Variants in FOXP1 observed in about 807,000 individuals in gnomAD.
The protein encoded by FOXP1 is forkhead box protein P1.
In FOXP1, 15 loss-of-function variants were observed where a neutral mutation model predicts 98.2. The observed-to-expected ratio is 0.15, with a 90% CI of 0.10 to 0.24. The LOEUF (loss-of-function observed/expected upper bound fraction) is 0.24. Ranked by LOEUF, FOXP1 falls within the 10% of genes least tolerant of loss-of-function variation. The probability of loss-of-function intolerance (pLI) is 1.00; values close to 1 mark genes in which losing one functional copy is unlikely to be tolerated. For missense variants in FOXP1, 633 were observed against 848.5 expected, an observed-to-expected ratio of 0.75 and a Z score of 3.15; for synonymous variants, 371 against 314.5, an observed-to-expected ratio of 1.18 and a Z score of -1.90.
chr3:71,576,271 T>C (rs573906954), intron 2 of FOXP1, among the ~76,000 whole-genome samples: 3 of 152,304 alleles, frequency 2.0e-5, no homozygotes, highest in African/African-American at 7.2e-5. Context: ...ATTCTGAGTA[T>C]AGAGAAGTAA....
At position 71,280,959 on chromosome 3, in the gene FOXP1, T is replaced by C. The variant is rs142975175; in HGVS notation, c.-12+18861A>G. Reference sequence around the variant, plus strand: ...CAGCTTGTTAGGTGTCATGAAGATATACGAAGCAGCCCTTTCTAATTCCTT... The same window carrying C: ...CAGCTTGTTAGGTGTCATGAAGATACACGAAGCAGCCCTTTCTAATTCCTT... On this transcript the variant is annotated intron_variant, in intron 5 of 20. Coordinates refer to ENST00000649528, the MANE Select transcript of FOXP1 (RefSeq NM_001349338.3). Among the ~76,000 whole-genome samples, 29 of 142,468 alleles carry C rather than the reference T, an allele frequency of 2.0e-4. No individual in the cohort carries two copies. The East Asian group carries it at 5.6e-3, about 28-fold the overall frequency. The allele number at this position is 142,468 out of a possible 152,430, so 93.5% of individuals were successfully genotyped here.
At chr3:71,096,229 C>A (rs908620439) in intron 7 of FOXP1, among the ~76,000 whole-genome samples, 7 of 152,178 alleles carry the variant, frequency 4.6e-5, no homozygotes, top group African/African-American at 1.7e-4. Context: ...AATACTAAGA[C>A]TTTAAGTTGG....
At chr3:71,054,818 T>G (rs773068110) in intron 7 of FOXP1, among the ~76,000 whole-genome samples, 3 of 152,164 alleles carry the variant, frequency 2.0e-5, no homozygotes, top group Non-Finnish European at 2.9e-5. Context: ...ACCGTAATAT[T>G]TAAGCATCTT....
At chr3:71,372,799 G>A (rs971113469) in intron 3 of FOXP1, among the ~76,000 whole-genome samples, 16 of 152,162 alleles carry the variant, frequency 1.1e-4, no homozygotes, top group African/African-American at 3.9e-4. Flanking sequence ...AAATGCACAC[G>A]ACAAGATCAG....
chr3:70,996,176 TA>T (rs1399387468), intron 13 of FOXP1, among the ~76,000 whole-genome samples: 8 of 152,096 alleles, frequency 5.3e-5, no homozygotes, highest in African/African-American at 1.9e-4. Flanking sequence ...AGAGATGGGG[TA>T]ATCTCCATGT....
At chr3:71,354,906 A>T (rs913095927) in intron 4 of FOXP1, among the ~76,000 whole-genome samples, 1 of 152,220 alleles carries the variant, frequency 6.6e-6, no homozygotes, top group Non-Finnish European at 1.5e-5. Context: ...TTGTCCAAAA[A>T]AAGAGCCACT....
At chr3:71,002,461 C>A (rs961055453) in intron 12 of FOXP1, among the ~76,000 whole-genome samples, 23 of 152,106 alleles carry the variant, frequency 1.5e-4, no homozygotes, top group African/African-American at 5.6e-4. Context: ...AGTAAATGAA[C>A]AAACAATAGA....
chr3:71,151,404 T>A (rs932745267), intron 6 of FOXP1, among the ~76,000 whole-genome samples: 2 of 152,176 alleles, frequency 1.3e-5, no homozygotes, highest in African/African-American at 4.8e-5. Context: ...GGGGAGCACT[T>A]ATGATTGTGG....
At chr3:71,433,187 C>A (rs1176688557) in intron 3 of FOXP1, among the ~76,000 whole-genome samples, 1 of 152,074 alleles carries the variant, frequency 6.6e-6, no homozygotes, top group African/African-American at 2.4e-5. Flanking sequence ...AGACTTCAGC[C>A]ATCAAATGGT....
At chr3:71,223,478 A>G (rs995498465) in intron 5 of FOXP1, among the ~76,000 whole-genome samples, 1 of 151,994 alleles carries the variant, frequency 6.6e-6, no homozygotes, top group African/African-American at 2.4e-5. Flanking sequence ...GGTGGATCAC[A>G]AGGTCAGGAG....
intron 6 of FOXP1, among the ~76,000 whole-genome samples, chr3:71,183,289 T>C (rs887698408): frequency 1.5e-4 from 23 of 151,134 alleles, no homozygotes; most frequent in Admixed American, 1.5e-3. Context: ...AGGTCTGGAG[T>C]TCAAGACCAG....
chr3:71,473,771 A>G (rs1233349178), intron 3 of FOXP1, among the ~76,000 whole-genome samples: 1 of 152,214 alleles, frequency 6.6e-6, no homozygotes, highest in Non-Finnish European at 1.5e-5. Flanking sequence ...GTGTGGGAGC[A>G]TTTTTGGTTG....
intron 7 of FOXP1, among the ~76,000 whole-genome samples, chr3:71,067,763 C>CACACACACACACACACACAA (rs374096871): frequency 4.5e-4 from 67 of 149,780 alleles, no homozygotes; most frequent in African/African-American, 1.5e-3. Context: ...CACACACACA[C>CACACACACACACACACACAA]AATTAGCCAC....
intron 5 of FOXP1, among the ~76,000 whole-genome samples, chr3:71,232,903 A>G (rs1397216516): frequency 6.7e-6 from 1 of 149,408 alleles, no homozygotes; most frequent in African/African-American, 2.5e-5. Flanking sequence ...AAAAGCAAGA[A>G]AAATGGGGAC....
rs115039948 is a variant in FOXP1, at chr3:71,312,576, C to G, written c.-72-12696G>C. Among the ~76,000 whole-genome samples, 1,462 of 152,288 alleles carry G rather than the reference C, an allele frequency of 9.6e-3. 10 individuals carry two copies. Among genetic ancestry groups the G allele is most frequent in the Non-Finnish European group, 0.014 (920 of 68,004 alleles). ...CAGTGGCTCACACCTGCAATGCCAG[C>G]TATTAAGGAGGGTGAGGCAGGACGA... On this transcript the variant is annotated intron_variant, in intron 4 of 20. Coordinates refer to ENST00000649528, the MANE Select transcript of FOXP1 (RefSeq NM_001349338.3).
intron 6 of FOXP1, among the ~76,000 whole-genome samples, chr3:71,141,103 C>T (rs1043169810): frequency 2.6e-5 from 4 of 151,768 alleles, no homozygotes; most frequent in Admixed American, 6.6e-5. Flanking sequence ...CCCATCTTTA[C>T]TAAAATTACA....
chr3:71,263,172 ACATGGCCCTTTTT>A (rs2069321228), intron 5 of FOXP1, among the ~76,000 whole-genome samples: 1 of 152,012 alleles, frequency 6.6e-6, no homozygotes, highest in Non-Finnish European at 1.5e-5. Flanking sequence ...GGGAAAGAAA[ACATGGCCCTTTTT>A]GCTGTGTATG....
intron 4 of FOXP1, chr3:71,333,622 A>AAGCCAGC (rs2076483916): frequency 1.3e-5 from 2 of 152,170 alleles, no homozygotes; most frequent in African/African-American, 4.8e-5. Context: ...CACGAGTTTG[A>AAGCCAGC]AGCCAGCCAG....
chr3:71,377,806 G>A (rs566225862), intron 3 of FOXP1, among the ~76,000 whole-genome samples: 72 of 152,218 alleles, frequency 4.7e-4, no homozygotes, highest in Middle Eastern at 3.4e-3. Context: ...TATTTTTCAC[G>A]TTACATTAAT....
Sources: gnomAD v4.1 joint callset for allele counts (sites outside exome capture counted in the v4.1 genomes callset) on GRCh38, gnomAD v4.1.1 for gene constraint, MANE v1.5 for transcripts, NCBI Gene and HGNC (gene_info 2026-07-23, HGNC 2026-07-21) for gene names.